The following LGI2 variants were observed in gnomAD, a reference collection of about 807,000 sequenced individuals.
LGI2 encodes leucine rich repeat LGI family member 2.
LGI2 carries 30 observed loss-of-function variants against 52.0 expected under a neutral mutation model. The observed-to-expected ratio is 0.58, with a 90% CI of 0.43 to 0.78. The LOEUF is 0.78. Among genes scored for constraint, LGI2 ranks in the 30% least tolerant of loss-of-function variants. The pLI is 0.00. For missense variants in LGI2, 573 were observed against 692.5 expected, an observed-to-expected ratio of 0.83 and a Z score of 1.94; for synonymous variants, 270 against 271.8, an observed-to-expected ratio of 0.99 and a Z score of 0.06.
At position 25,002,380 on chromosome 4, in the gene LGI2, G is replaced by A. The variant is rs56785751; in HGVS notation, c.*1071C>T. The A allele has an allele frequency of 1.5e-3, 224 of 152,700 alleles. 1 individual carries two copies. The East Asian group carries it at 0.02, about 14-fold the overall frequency. 9.5% of individuals were successfully genotyped at this position (152,700 alleles called of 1,614,324 possible). On this transcript the variant is annotated 3_prime_UTR_variant, in exon 8 of 8. Transcript: ENST00000382114. ...AAAACAGGACTGTTACACAAGCGGG[G>A]CGGAAGGCAGGTGGGCTGGCAGGGA...
At chr4:24,998,183 C>A (rs554424072), downstream of LGI2, among the ~76,000 whole-genome samples, 3 of 152,240 alleles carry the variant, frequency 2.0e-5, no homozygotes, top group Non-Finnish European at 4.4e-5. Flanking sequence ...GACTGTGATG[C>A]AAAATTTTAT....
At chr4:25,025,731 A>G (rs1395689202) in intron 3 of LGI2, among the ~76,000 whole-genome samples, 2 of 152,240 alleles carry the variant, frequency 1.3e-5, no homozygotes, top group African/African-American at 4.8e-5. Flanking sequence ...GAAACACAAC[A>G]TCATCAACGA....
chr4:25,020,250 T>A (rs187647176), intron 4 of LGI2, among the ~76,000 whole-genome samples: 165 of 152,342 alleles, frequency 1.1e-3, no homozygotes, highest in African/African-American at 3.4e-3. Context: ...CCATTTTGCA[T>A]TTTTGCTCTT....
chr4:25,005,736 T>C (rs777280457), intron 7 of LGI2, among the ~76,000 whole-genome samples: 21 of 152,002 alleles, frequency 1.4e-4, no homozygotes, highest in Non-Finnish European at 2.6e-4. Flanking sequence ...TTGAAGACAT[T>C]TGGGCTCTTT....
At chr4:25,028,022 A>G (rs1726202929) in intron 2 of LGI2, among the ~76,000 whole-genome samples, 1 of 152,198 alleles carries the variant, frequency 6.6e-6, no homozygotes, top group African/African-American at 2.4e-5. Context: ...ATCAAATGGG[A>G]TCATAAGCAT....
Position 25,004,917 on chromosome 4 carries a change from A to C in LGI2, c.821-649T>G, listed in dbSNP as rs947519692. Among the ~76,000 whole-genome samples the C allele has an allele frequency of 4.6e-5, 7 of 152,222 alleles. No homozygotes were observed. The highest frequency in any genetic ancestry group is 1.7e-4 in the African/African-American group (7 of 41,462). ...GTTGCTTCAATGGACAAATAGATAG[A>C]CAAAATGTGGCATATACATAAAATG... On this transcript the variant is annotated intron_variant, in intron 7 of 7. Coordinates refer to ENST00000382114, the MANE Select transcript of LGI2 (RefSeq NM_018176.4). The surrounding 1 kb of genome is among the most constrained non-coding windows in gnomAD (Gnocchi z 4.6).
chr4:24,996,062 A>G (rs1001764450), downstream of LGI2, among the ~76,000 whole-genome samples: 9 of 152,190 alleles, frequency 5.9e-5, no homozygotes, highest in African/African-American at 2.2e-4. Flanking sequence ...TTTCAGAGGC[A>G]GCGTTTGGAT....
At position 25,019,330 on chromosome 4, in the gene LGI2, G is replaced by A. The variant is rs139965302; in HGVS notation, c.414-92C>T. 869 of 792,046 alleles carry A rather than the reference G, an allele frequency of 1.1e-3. 7 individuals carry two copies. In the African/African-American group the frequency reaches 0.013, roughly 12 times the overall value. The allele number at this position is 792,046 out of a possible 1,614,324, so 49.1% of individuals were successfully genotyped here. ...AGATAAAGCTGTTGACTTATAGCAC[G>A]GCTTTGGTCATCAATACTGAGATAG... On this transcript the variant is annotated intron_variant, in intron 4 of 7. Transcript: ENST00000382114.
In LGI2 at chr4:25,026,918, G is replaced by A; in HGVS notation, c.291C>T (p.Phe97=). The A allele has an allele frequency of 6.2e-7, 1 of 1,613,324 alleles. No individual in the cohort carries two copies. Among genetic ancestry groups the A allele is most frequent in the African/African-American group, 1.3e-5 (1 of 75,036 alleles). ...LQLLLLNSNS[F]TIIRDDAFAG... is the part of the protein sequence containing the mutation. ...CAAAAGCATCATCCCGGATGATCGT[G>A]AATGAGTTAGAATTCAGCAATCTGA... is the stretch of plus-strand genomic sequence containing the variant. Residue 97 remains phenylalanine, a synonymous_variant, in exon 3 of 8, where the codon TTC becomes TTT. Coordinates refer to ENST00000382114, the MANE Select transcript of LGI2 (RefSeq NM_018176.4).
At position 25,012,390 on chromosome 4, in the gene LGI2, C is replaced by A. The variant is rs991903413; in HGVS notation, c.765G>T (p.Met255Ile). 3.1e-6 allele frequency: 5 copies of A among 1,614,150 alleles called. No homozygotes were observed. The highest frequency in any genetic ancestry group is 4.2e-6 in the Non-Finnish European group (5 of 1,180,060). The change falls in exon 7 of 8, where the codon ATG becomes ATT. Residue 255 changes from methionine (M) to isoleucine (I), a missense_variant. Met to Ile is a conservative substitution (Grantham distance 10). Transcript: ENST00000382114. The stretch of plus-strand genomic sequence containing the variant: ...TTTCAATGTGGTCCCACTCCAGCAC[C>A]ATGCAGTTCTCCATGCTGGGCTGCG... ...AIAQPSMENC[M>I]VLEWDHIEMN...
In LGI2 at chr4:24,999,372, G is replaced by C. The variant is rs1034820658; in HGVS notation, c.*4079C>G. On this transcript the variant is annotated 3_prime_UTR_variant, in exon 8 of 8. Transcript: ENST00000382114. Reference sequence around the variant, plus strand: ...TCCTTTTTTCCTTTTCTTTCAGTTTGTTTTTACTTTCCCAAGTTTCCTCCA... The same window carrying C: ...TCCTTTTTTCCTTTTCTTTCAGTTTCTTTTTACTTTCCCAAGTTTCCTCCA... 6.6e-6 allele frequency: 1 copy of C among 152,590 alleles called. No individual in the cohort carries two copies. The highest frequency in any genetic ancestry group is 1.5e-5 in the Non-Finnish European group (1 of 68,426). 9.5% of individuals were successfully genotyped at this position (152,590 alleles called of 1,614,324 possible).
At chr4:25,005,288 A>G (rs1725362680) in intron 7 of LGI2, among the ~76,000 whole-genome samples, 1 of 152,194 alleles carries the variant, frequency 6.6e-6, no homozygotes. Flanking sequence ...ATTTTGTGCT[A>G]TGTGTATGTT....
At chr4:25,011,221 G>A (rs1177903901) in intron 7 of LGI2, among the ~76,000 whole-genome samples, 1 of 152,144 alleles carries the variant, frequency 6.6e-6, no homozygotes, top group Non-Finnish European at 1.5e-5. Flanking sequence ...TCAGGACAAA[G>A]GGGGAAGCAC....
intron 5 of LGI2, among the ~76,000 whole-genome samples, chr4:25,018,860 TAA>T (rs376229902): frequency 0.023 from 3,173 of 140,114 alleles, 113 homozygotes; most frequent in African/African-American, 0.077. Context: ...AGACTACATC[TAA>T]AAAAAAAAAA....
chr4:24,999,995 A>G lies in LGI2; in HGVS notation c.*3456T>C. ...AGGGGGAGAAACAACCAGACCAGCT[A>G]GATATCCTCCTTAGTACAACAGAAA... On this transcript the variant is annotated 3_prime_UTR_variant, in exon 8 of 8. Coordinates refer to ENST00000382114, the MANE Select transcript of LGI2 (RefSeq NM_018176.4). 2.6e-6 allele frequency: 1 copy of G among 382,982 alleles called. No individual in the cohort carries two copies. Among genetic ancestry groups the G allele is most frequent in the South Asian group, 1.9e-5 (1 of 52,042 alleles). The allele number at this position is 382,982 out of a possible 1,614,324, so 23.7% of individuals were successfully genotyped here.
intron 3 of LGI2, 117 bp downstream of exon 3, chr4:25,026,751 T>C: frequency 1.3e-6 from 1 of 775,950 alleles, no homozygotes; most frequent in South Asian, 1.5e-5. Context: ...GAATGGGGTG[T>C]TCTCCAGTTT....
intron 6 of LGI2, among the ~76,000 whole-genome samples, chr4:25,015,482 C>A (rs1355526153): frequency 6.6e-6 from 1 of 152,166 alleles, no homozygotes; most frequent in Middle Eastern, 3.4e-3. Context: ...TGAATTACAC[C>A]CCTTGGCCAA....
At chr4:25,008,034 C>T (rs1356013636) in intron 7 of LGI2, among the ~76,000 whole-genome samples, 1 of 152,210 alleles carries the variant, frequency 6.6e-6, no homozygotes, top group Non-Finnish European at 1.5e-5. Flanking sequence ...AGGGCTTTCC[C>T]TCATGCCAGG....
chr4:24,996,878 C>T (rs1725098236), downstream of LGI2, among the ~76,000 whole-genome samples: 1 of 152,018 alleles, frequency 6.6e-6, no homozygotes, highest in Admixed American at 6.6e-5. Flanking sequence ...GGGTAGACAC[C>T]CAGAGGTGTG....
Sources: allele counts gnomAD v4.1 joint callset (sites outside exome capture counted in the v4.1 genomes callset), GRCh38; gene constraint gnomAD v4.1.1; non-coding constraint Gnocchi (gnomAD v3.1); transcripts MANE v1.5; gene names NCBI Gene and HGNC (gene_info 2026-07-23, HGNC 2026-07-21).